The following MYO5B variants were observed in gnomAD, a reference collection of about 807,000 sequenced individuals.
MYO5B encodes unconventional myosin-Vb.
In MYO5B, 143 loss-of-function variants were observed where a neutral mutation model predicts 229.3. That is an observed-to-expected ratio of 0.62 (90% CI 0.54 to 0.72). The LOEUF (loss-of-function observed/expected upper bound fraction) is 0.72. MYO5B is among the 30% of genes least tolerant of loss of function. The pLI, the probability that MYO5B is intolerant of heterozygous loss-of-function variation, is 0.00. For missense variants in MYO5B, 2,321 were observed against 2,331.0 expected, an observed-to-expected ratio of 1.00 and a Z score of 0.09; for synonymous variants, 918 against 885.2, an observed-to-expected ratio of 1.04 and a Z score of -0.66.
chr18:49,826,336 A>G lies in MYO5B; in HGVS notation c.*135T>C. The G allele has an allele frequency of 1.8e-6, 2 of 1,090,098 alleles. No individual in the cohort carries two copies. The highest frequency in any genetic ancestry group is 2.7e-6 in the Non-Finnish European group (2 of 738,178). The allele number at this position is 1,090,098 out of a possible 1,614,324, so 67.5% of individuals were successfully genotyped here. On this transcript the variant is annotated 3_prime_UTR_variant, in exon 40 of 40. Coordinates refer to ENST00000285039, the MANE Select transcript of MYO5B (RefSeq NM_001080467.3). ...AGTTGTGTCTAATTCTGTATAGTTC[A>G]GCACCCTCCACAGGCTGTCAATCTC...
At chr18:50,074,130 T>TGG (rs1263020163) in intron 1 of MYO5B, among the ~76,000 whole-genome samples, 2 of 152,152 alleles carry the variant, frequency 1.3e-5, no homozygotes, top group African/African-American at 4.8e-5. Flanking sequence ...CTCAGAATCA[T>TGG]GGCAAAAGGC....
At chr18:50,164,182 C>G (rs1371827695) in intron 1 of MYO5B, among the ~76,000 whole-genome samples, 1 of 152,192 alleles carries the variant, frequency 6.6e-6, no homozygotes, top group South Asian at 2.1e-4. Flanking sequence ...TCAGGAGACT[C>G]GCTACTCCAA....
intron 10 of MYO5B, 127 bp downstream of exon 10, chr18:49,974,223 C>G: frequency 1.4e-6 from 2 of 1,386,096 alleles, no homozygotes; most frequent in Non-Finnish European, 2.0e-6. Flanking sequence ...AAAAATGGCC[C>G]CACACATTTT....
chr18:50,068,913 T>C (rs1474646446), intron 1 of MYO5B, among the ~76,000 whole-genome samples: 1 of 152,204 alleles, frequency 6.6e-6, no homozygotes. Flanking sequence ...ACATCTTTAA[T>C]GTCCACCTTT....
rs139811297 is a variant in MYO5B, at chr18:49,830,395, T to C, written c.5395-3772A>G. 4.6e-3 allele frequency among the ~76,000 whole-genome samples: 707 copies of C among 152,270 alleles called. 2 individuals carry two copies. Among genetic ancestry groups the C allele is most frequent in the Middle Eastern group, 0.01 (3 of 294 alleles). On this transcript the variant is annotated intron_variant, in intron 39 of 39. Coordinates refer to ENST00000285039, the MANE Select transcript of MYO5B (RefSeq NM_001080467.3). ...CAAATGGAAAGACACCCCATGTTCA[T>C]GTACTAGAAGACTTAAGATGACAAT...
At chr18:49,916,687 G>A (rs981974353) in intron 17 of MYO5B, among the ~76,000 whole-genome samples, 8 of 152,214 alleles carry the variant, frequency 5.3e-5, no homozygotes, top group Non-Finnish European at 1.0e-4. Context: ...CCATCGCTTC[G>A]TGGCCGTGAG....
intron 16 of MYO5B, among the ~76,000 whole-genome samples, 168 bp downstream of exon 16, chr18:49,936,084 C>T (rs2025246211): frequency 2.0e-5 from 3 of 152,246 alleles, no homozygotes; most frequent in African/African-American, 7.2e-5. Flanking sequence ...TGGTGGCACT[C>T]AGCAAGTGTC....
At chr18:49,921,258 T>C (rs942762662) in intron 17 of MYO5B, among the ~76,000 whole-genome samples, 1 of 19,304 alleles carries the variant, frequency 5.2e-5, no homozygotes, top group African/African-American at 2.5e-4. Context: ...CAAGCAGAGT[T>C]TTTTTTTTTT....
intron 11 of MYO5B, 57 bp from the exon 12 acceptor site, chr18:49,962,463 T>G: frequency 6.2e-7 from 1 of 1,611,332 alleles, no homozygotes. Context: ...AACATTCACC[T>G]CCCCCAGGGG....
At chr18:49,915,360 G>A (rs1196541765) in intron 17 of MYO5B, among the ~76,000 whole-genome samples, 1 of 152,034 alleles carries the variant, frequency 6.6e-6, no homozygotes, top group Non-Finnish European at 1.5e-5. Context: ...CTCTTTAATT[G>A]GTCCCATGTG....
intron 16 of MYO5B, among the ~76,000 whole-genome samples, chr18:49,932,634 A>G (rs1625181): frequency 0.55 from 83,102 of 152,004 alleles, 22,931 homozygotes; most frequent in Middle Eastern, 0.72. Flanking sequence ...GCCCAACTAT[A>G]AAGCAGTGGT....
At chr18:49,900,622 A>G (rs2024830585) in intron 21 of MYO5B, among the ~76,000 whole-genome samples, 1 of 152,220 alleles carries the variant, frequency 6.6e-6, no homozygotes, top group African/African-American at 2.4e-5. Flanking sequence ...GGTCATGAGA[A>G]GCTTTAAAAA....
In MYO5B at chr18:50,043,418, TA is replaced by T. The variant is rs1381189178; in HGVS notation, c.139-3105del. ...TTAAATATATTAAATATTAAATATT[TA>T]AATATATTTAAATATATTAAATATT... On this transcript the variant is annotated intron_variant, in intron 2 of 39. Transcript: ENST00000285039. 8.6e-3 allele frequency among the ~76,000 whole-genome samples: 959 copies of T among 111,236 alleles called. 41 individuals are homozygous for T. The highest frequency in any genetic ancestry group is 0.033 in the African/African-American group (896 of 27,078). The allele number at this position is 111,236 out of a possible 152,430, so 73.0% of individuals were successfully genotyped here.
chr18:50,107,932 T>A lies in MYO5B; in HGVS notation c.28-52554A>T, dbSNP rs1322122572. 7.2e-5 allele frequency among the ~76,000 whole-genome samples: 11 copies of A among 152,116 alleles called. No individual in the cohort carries two copies. In the East Asian group the frequency reaches 2.1e-3, roughly 29 times the overall value. ...TCCTTTTTTGTTGTTGTTAAGACAG[T>A]CTCACCCTGTTACCCAGGCTGGATG... On this transcript the variant is annotated intron_variant, in intron 1 of 39. Transcript: ENST00000285039.
In MYO5B at chr18:50,090,513, C is replaced by T. The variant is rs537556590; in HGVS notation, c.28-35135G>A. Reference sequence around the variant, plus strand: ...AGTTGTCACCACACTCATCAACTAACACCCATGTGCTCCACAGTCAGAATT... The same window carrying T: ...AGTTGTCACCACACTCATCAACTAATACCCATGTGCTCCACAGTCAGAATT... On this transcript the variant is annotated intron_variant, in intron 1 of 39. Transcript: ENST00000285039. Among the ~76,000 whole-genome samples the T allele has an allele frequency of 7.6e-4, 116 of 152,262 alleles. 1 individual carries two copies. The highest frequency in any genetic ancestry group is 2.6e-3 in the African/African-American group (109 of 41,538).
At chr18:50,144,953 C>G (rs1187700160) in intron 1 of MYO5B, among the ~76,000 whole-genome samples, 1 of 152,186 alleles carries the variant, frequency 6.6e-6, no homozygotes, top group East Asian at 1.9e-4. Flanking sequence ...TCAAATCCCT[C>G]AGAGTGTTGG....
rs115275212 is a variant in MYO5B, at chr18:49,863,039, G to T, written c.3944+188C>A. Among the ~76,000 whole-genome samples, 599 of 152,236 alleles carry T rather than the reference G, an allele frequency of 3.9e-3. 6 individuals carry two copies. Among genetic ancestry groups the T allele is most frequent in the African/African-American group, 0.013 (531 of 41,540 alleles). On this transcript the variant is annotated intron_variant, in intron 29 of 39. Coordinates refer to ENST00000285039, the MANE Select transcript of MYO5B (RefSeq NM_001080467.3). ...GACCTGGGCTCTAGATGCTGAGAGC[G>T]TGTTGCTCGAGCCTTGCTGAGCTAA...
chr18:49,925,292 T>C lies in MYO5B; in HGVS notation c.2090+4220A>G, dbSNP rs2144186979. On this transcript the variant is annotated intron_variant, in intron 17 of 39. Transcript: ENST00000285039. ...CCCACCAATTGCCAATCAGAAAATC[T>C]TTGAATATGCCTGTGACCTGGAAGC... 2.6e-5 allele frequency among the ~76,000 whole-genome samples: 4 copies of C among 152,362 alleles called. No individual in the cohort carries two copies. In the Middle Eastern group the frequency reaches 0.014, roughly 518 times the overall value.
At chr18:50,096,185 G>T (rs955391460) in intron 1 of MYO5B, among the ~76,000 whole-genome samples, 1 of 152,086 alleles carries the variant, frequency 6.6e-6, no homozygotes, top group Non-Finnish European at 1.5e-5. Flanking sequence ...AGCCACATTT[G>T]GCCATTTTTG....
Sources: allele counts gnomAD v4.1 joint callset (sites outside exome capture counted in the v4.1 genomes callset), GRCh38; gene constraint gnomAD v4.1.1; transcripts MANE v1.5; gene names NCBI Gene and HGNC (gene_info 2026-07-23, HGNC 2026-07-21).